The following RALYL variants were observed in gnomAD, a reference collection of about 807,000 sequenced individuals.
The protein encoded by RALYL is RNA-binding Raly-like protein.
A neutral mutation model predicts 35.1 loss-of-function variants in RALYL; 29 were observed. That is an observed-to-expected ratio of 0.83 (90% CI 0.61 to 1.13). The LOEUF (loss-of-function observed/expected upper bound fraction) is 1.13. Among genes scored for constraint, RALYL ranks in the 50% most tolerant of loss-of-function variants. RALYL has a pLI of 0.00. For synonymous variants in RALYL, 120 were observed against 127.6 expected (o/e 0.94, Z 0.40); for missense variants, 359 against 360.4 (o/e 1.00, Z 0.03).
At chr8:84,793,589 C>A (rs1328397126) in intron 3 of RALYL, among the ~76,000 whole-genome samples, 1 of 152,072 alleles carries the variant, frequency 6.6e-6, no homozygotes, top group African/African-American at 2.4e-5. Flanking sequence ...ATAGATACAG[C>A]TCTATAGAGT....
At chr8:84,228,757 A>T (rs1443726757) in intron 1 of RALYL, among the ~76,000 whole-genome samples, 1 of 152,194 alleles carries the variant, frequency 6.6e-6, no homozygotes, top group Non-Finnish European at 1.5e-5. Context: ...GCCTCAGGAC[A>T]CCTACGGTCA....
chr8:84,541,521 G>C (rs2060015889), intron 2 of RALYL, among the ~76,000 whole-genome samples: 2 of 151,960 alleles, frequency 1.3e-5, no homozygotes, highest in South Asian at 4.1e-4. Context: ...TCTATATGCA[G>C]TTGACACACA....
At chr8:84,215,659 C>T (rs759675992) in intron 1 of RALYL, among the ~76,000 whole-genome samples, 13 of 151,936 alleles carry the variant, frequency 8.6e-5, no homozygotes, top group Non-Finnish European at 1.5e-4. Flanking sequence ...GTCATATTAA[C>T]AGTAGCTTGT....
At chr8:84,408,591 G>A (rs1173738753) in intron 1 of RALYL, among the ~76,000 whole-genome samples, 1 of 152,058 alleles carries the variant, frequency 6.6e-6, no homozygotes, top group African/African-American at 2.4e-5. Flanking sequence ...GTCCATGGAC[G>A]CTCTCTATGT....
chr8:84,249,944 AT>A (rs1215342473), intron 1 of RALYL, among the ~76,000 whole-genome samples: 11 of 151,214 alleles, frequency 7.3e-5, no homozygotes, highest in East Asian at 1.9e-4. Context: ...TAAAAAGGTG[AT>A]TTTTTTTTAG....
chr8:84,734,070 T>G (rs561935981), intron 2 of RALYL, among the ~76,000 whole-genome samples: 2 of 152,304 alleles, frequency 1.3e-5, no homozygotes, highest in East Asian at 3.9e-4. Flanking sequence ...ACTCTTTGTG[T>G]AAAAAATGCG....
At chr8:84,522,375 A>G (rs1359207519) in intron 1 of RALYL, among the ~76,000 whole-genome samples, 6 of 149,362 alleles carry the variant, frequency 4.0e-5, no homozygotes, top group Non-Finnish European at 7.4e-5. Flanking sequence ...TCAGCCTCCC[A>G]AGTAGCTGGG....
At chr8:84,627,908 A>G (rs1465570491) in intron 2 of RALYL, among the ~76,000 whole-genome samples, 2 of 151,900 alleles carry the variant, frequency 1.3e-5, no homozygotes, top group South Asian at 2.1e-4. Context: ...ATTCATGTCT[A>G]TTTCCATTGT....
At chr8:84,745,100 T>A (rs1226396177) in intron 2 of RALYL, among the ~76,000 whole-genome samples, 1 of 150,856 alleles carries the variant, frequency 6.6e-6, no homozygotes, top group African/African-American at 2.4e-5. Context: ...TACACACACA[T>A]CTGAGTATTA....
rs754588401 is a variant in RALYL, at chr8:84,308,025, GA to G, written c.-24+123614del. ...AGCTGCCGCTCAAAACCGTAGGTCA[GA>G]AAAAAAAAAAAATCCCTCTCAGACC... On this transcript the variant is annotated intron_variant, in intron 1 of 8. Coordinates refer to ENST00000521268, the MANE Select transcript of RALYL (RefSeq NM_173848.7). Among the ~76,000 whole-genome samples the G allele has an allele frequency of 6.4e-3, 863 of 135,598 alleles. 2 individuals are homozygous for G. Among genetic ancestry groups the G allele is most frequent in the Non-Finnish European group, 8.6e-3 (535 of 62,224 alleles). The allele number at this position is 135,598 out of a possible 152,430, so 89.0% of individuals were successfully genotyped here.
chr8:84,893,930 T>C (rs1036702631), intron 8 of RALYL, among the ~76,000 whole-genome samples: 5 of 152,194 alleles, frequency 3.3e-5, no homozygotes, highest in Admixed American at 3.3e-4. Context: ...TACTTAGACA[T>C]GAAAGCTGAG....
intron 5 of RALYL, among the ~76,000 whole-genome samples, chr8:84,857,036 GAAAAAAAAAAAAA>G (rs36119108): frequency 1.1e-5 from 1 of 91,848 alleles, no homozygotes; most frequent in East Asian, 3.3e-4. Context: ...CTCCGTCTCA[GAAAAAAAAAAAAA>G]AAAAAAAAAA....
intron 1 of RALYL, among the ~76,000 whole-genome samples, chr8:84,343,559 A>C (rs1849258847): frequency 6.6e-6 from 1 of 152,032 alleles, no homozygotes; most frequent in Non-Finnish European, 1.5e-5. Context: ...CCTCCTCTTA[A>C]TTCTTTCTTT....
intron 2 of RALYL, among the ~76,000 whole-genome samples, chr8:84,675,219 A>C (rs1564352705): frequency 6.6e-6 from 1 of 152,180 alleles, no homozygotes; most frequent in Non-Finnish European, 1.5e-5. Flanking sequence ...CTAAACTTTT[A>C]AAATATGCTT....
At chr8:84,311,088 A>AAT (rs1842717596) in intron 1 of RALYL, among the ~76,000 whole-genome samples, 2 of 126,258 alleles carry the variant, frequency 1.6e-5, no homozygotes, top group Non-Finnish European at 3.5e-5. Flanking sequence ...AAAAAAAAAA[A>AAT]AAATGTATAT....
At chr8:84,605,925 G>A (rs1385600507) in intron 2 of RALYL, among the ~76,000 whole-genome samples, 1 of 152,022 alleles carries the variant, frequency 6.6e-6, no homozygotes, top group Non-Finnish European at 1.5e-5. Context: ...GGAGAGCCAG[G>A]TTTAAGTATA....
chr8:84,411,020 G>C (rs1158589292), intron 1 of RALYL, among the ~76,000 whole-genome samples: 1 of 151,646 alleles, frequency 6.6e-6, no homozygotes, highest in Non-Finnish European at 1.5e-5. Flanking sequence ...TCTTGATTTA[G>C]GAAATATGAC....
intron 1 of RALYL, among the ~76,000 whole-genome samples, chr8:84,372,899 T>TG (rs1344104885): frequency 2.0e-4 from 28 of 137,292 alleles, no homozygotes; most frequent in Admixed American, 2.9e-4. Context: ...TTTTTTTTTT[T>TG]TTTTTTTTTT....
intron 2 of RALYL, among the ~76,000 whole-genome samples, chr8:84,650,085 C>T (rs2131503462): frequency 1.3e-5 from 2 of 152,142 alleles, no homozygotes; most frequent in Middle Eastern, 3.4e-3. Context: ...CTCTGTTTTT[C>T]TGTTATTGGT....
Sources: gnomAD v4.1 joint callset for allele counts (sites outside exome capture counted in the v4.1 genomes callset) on GRCh38, gnomAD v4.1.1 for gene constraint, MANE v1.5 for transcripts, NCBI Gene and HGNC (gene_info 2026-07-23, HGNC 2026-07-21) for gene names.